FBXW11: variants seen among roughly 807,000 people sequenced by gnomAD.
FBXW11 encodes F-box/WD repeat-containing protein 11.
In FBXW11, 19 loss-of-function variants were observed where a neutral mutation model predicts 77.6. The ratio of observed to expected loss-of-function variants is 0.24; its 90% CI spans 0.17 to 0.36. The LOEUF (loss-of-function observed/expected upper bound fraction) is 0.36, where lower values mean the gene tolerates loss of function less well. Ranked by LOEUF, FBXW11 falls within the 10% of genes least tolerant of loss-of-function variation. The pLI is 1.00. For synonymous variants in FBXW11, 235 were observed against 249.4 expected, an observed-to-expected ratio of 0.94 and a Z score of 0.54; for missense variants, 334 against 704.2, an observed-to-expected ratio of 0.47 and a Z score of 5.95.
intron 1 of FBXW11, among the ~76,000 whole-genome samples, chr5:171,967,879 TATATACACACACACAC>T (rs1284533842): frequency 0.019 from 1,184 of 62,672 alleles, 34 homozygotes; most frequent in African/African-American, 0.063. Context: ...TATATATATA[TATATACACACACACAC>T]ACACACACAC....
chr5:171,997,117 G>C, intron 1 of FBXW11: 1 of 1,238,760 alleles, frequency 8.1e-7, no homozygotes, highest in Non-Finnish European at 1.1e-6. Flanking sequence ...CAGCCTCCAA[G>C]AAATGGAAGG....
At chr5:171,972,817 T>C (rs2113434052) in intron 1 of FBXW11, among the ~76,000 whole-genome samples, 1 of 152,298 alleles carries the variant, frequency 6.6e-6, no homozygotes. Context: ...AGTGCTGGGA[T>C]TACAGGCGTG....
At chr5:171,878,742 T>C (rs899036513) in intron 7 of FBXW11, among the ~76,000 whole-genome samples, 5 of 151,704 alleles carry the variant, frequency 3.3e-5, no homozygotes, top group Non-Finnish European at 5.9e-5. Context: ...TGAGCCATAA[T>C]CACACCACTG....
intron 9 of FBXW11, among the ~76,000 whole-genome samples, chr5:171,875,828 G>A (rs1458231157): frequency 1.3e-5 from 2 of 152,040 alleles, no homozygotes; most frequent in South Asian, 2.1e-4. Flanking sequence ...AGAGTCCACC[G>A]CACTGCGAGT....
chr5:171,876,620 A>G lies in FBXW11; in HGVS notation c.972-86T>C. On this transcript the variant is annotated intron_variant, in intron 8 of 13. Transcript: ENST00000517395. The surrounding 1 kb of genome is among the most constrained non-coding windows in gnomAD (Gnocchi z 4.2). ...TATCTGAGCTCTGTCTGGGTCTGCA[A>G]TGGTTTGGATATAGTTTGTCTGACT... 1 of 1,508,926 alleles carries G rather than the reference A, an allele frequency of 6.6e-7. No individual in the cohort carries two copies. The highest frequency in any genetic ancestry group is 9.0e-7 in the Non-Finnish European group (1 of 1,105,956). The allele number at this position is 1,508,926 out of a possible 1,614,324, so 93.5% of individuals were successfully genotyped here. A position where few individuals can be genotyped will look rare whatever the true frequency, so the allele number is the denominator to read the frequency against.
intron 7 of FBXW11, among the ~76,000 whole-genome samples, chr5:171,890,147 C>A (rs1759236063): frequency 1.3e-5 from 2 of 151,822 alleles, no homozygotes; most frequent in Non-Finnish European, 2.9e-5. Flanking sequence ...GAATTTAAAG[C>A]AAAATGAGGT....
At position 171,882,091 on chromosome 5, in the gene FBXW11, A is replaced by G. The variant is rs192912805; in HGVS notation, c.853-3962T>C. ...TTGATCTCTGCCCTACTTTTCATTA[A>G]CTCTTTTATTCTGCTTACTACGGAT... On this transcript the variant is annotated intron_variant, in intron 7 of 13. Coordinates refer to ENST00000517395, the MANE Select transcript of FBXW11 (RefSeq NM_001378974.1). 8.6e-5 allele frequency among the ~76,000 whole-genome samples: 13 copies of G among 151,126 alleles called. No homozygotes were observed. In the East Asian group the frequency reaches 2.5e-3, roughly 29 times the overall value.
chr5:171,890,628 C>T (rs141315200), intron 7 of FBXW11, among the ~76,000 whole-genome samples: 65 of 152,198 alleles, frequency 4.3e-4, no homozygotes, highest in African/African-American at 1.5e-3. Flanking sequence ...TCAGTTTTCA[C>T]GCAATGAACT....
intron 9 of FBXW11, among the ~76,000 whole-genome samples, chr5:171,873,305 A>G (rs775630145): frequency 2.6e-5 from 4 of 152,168 alleles, no homozygotes; most frequent in African/African-American, 4.8e-5. Flanking sequence ...GCCAGATTTT[A>G]TGTTTTTACA....
At chr5:171,900,257 A>T (rs988151850) in intron 4 of FBXW11, among the ~76,000 whole-genome samples, 157 bp from the exon 5 acceptor site, 1 of 152,232 alleles carries the variant, frequency 6.6e-6, no homozygotes, top group African/African-American at 2.4e-5. Flanking sequence ...ATGAGTACAT[A>T]AACATATACA....
At chr5:171,938,685 T>A (rs1334292103) in intron 2 of FBXW11, among the ~76,000 whole-genome samples, 3 of 152,156 alleles carry the variant, frequency 2.0e-5, no homozygotes, top group Non-Finnish European at 4.4e-5. Flanking sequence ...TCAGTAACAA[T>A]ATGAAAATAC....
chr5:171,896,931 T>C (rs2113867296), intron 6 of FBXW11, among the ~76,000 whole-genome samples: 1 of 152,218 alleles, frequency 6.6e-6, no homozygotes, highest in South Asian at 2.1e-4. Flanking sequence ...TAAAACTCTA[T>C]ATATTCTGTT....
Position 171,914,342 on chromosome 5 carries a change from C to T in FBXW11, c.210+1G>A. 1 of 1,602,874 alleles carries T rather than the reference C, an allele frequency of 6.2e-7. No homozygotes were observed. The highest frequency in any genetic ancestry group is 8.5e-7 in the Non-Finnish European group (1 of 1,174,876). On this transcript the variant is annotated splice_donor_variant, in intron 3 of 13. Coordinates refer to ENST00000517395, the MANE Select transcript of FBXW11 (RefSeq NM_001378974.1). LOFTEE classifies it high-confidence loss of function. ...TCTAATCTGTGCGCCGTCATTCCTACCTGCCAAAGAGTATTTTTCTTTGGG... is the reference window on the plus strand; with the variant it reads ...TCTAATCTGTGCGCCGTCATTCCTATCTGCCAAAGAGTATTTTTCTTTGGG...
intron 10 of FBXW11, 64 bp downstream of exon 10, chr5:171,872,808 A>C: frequency 4.4e-6 from 5 of 1,131,350 alleles, no homozygotes; most frequent in Non-Finnish European, 6.7e-6. Context: ...CATTAGAACT[A>C]GGAGATGAGT....
intron 2 of FBXW11, among the ~76,000 whole-genome samples, chr5:171,956,792 T>C (rs1354767400): frequency 6.6e-6 from 1 of 152,242 alleles, no homozygotes; most frequent in Non-Finnish European, 1.5e-5. Context: ...TATGCAGTGA[T>C]GAAAACTGAA....
At chr5:172,004,381 C>T (rs1012850567) in intron 1 of FBXW11, among the ~76,000 whole-genome samples, 2 of 152,092 alleles carry the variant, frequency 1.3e-5, no homozygotes, top group Non-Finnish European at 2.9e-5. Flanking sequence ...CAGTTTAAAT[C>T]CCAGTTTATA....
At chr5:171,974,827 T>C (rs940804737) in intron 1 of FBXW11, among the ~76,000 whole-genome samples, 1 of 152,174 alleles carries the variant, frequency 6.6e-6, no homozygotes, top group South Asian at 2.1e-4. Context: ...AGAATTTCGA[T>C]CTTGTTGCCC....
At chr5:171,920,820 T>C (rs992871346) in intron 2 of FBXW11, among the ~76,000 whole-genome samples, 2 of 152,246 alleles carry the variant, frequency 1.3e-5, no homozygotes, top group Admixed American at 6.5e-5. Context: ...TGCATTTTCA[T>C]GAACATGGCG....
chr5:171,987,356 G>A (rs1387029024), intron 1 of FBXW11, among the ~76,000 whole-genome samples: 1 of 152,084 alleles, frequency 6.6e-6, no homozygotes, highest in East Asian at 1.9e-4. Flanking sequence ...TGTTCACTTG[G>A]TTCCCTTTGC....
Sources: gnomAD v4.1 joint callset for allele counts (sites outside exome capture counted in the v4.1 genomes callset) on GRCh38, gnomAD v4.1.1 for gene constraint, Gnocchi (gnomAD v3.1) non-coding constraint, MANE v1.5 for transcripts, NCBI Gene and HGNC (gene_info 2026-07-23, HGNC 2026-07-21) for gene names.